TMEM65: variants seen among roughly 807,000 people sequenced by gnomAD.
TMEM65 encodes transmembrane protein 65.
Under a neutral mutation model 25.4 loss-of-function variants are expected in TMEM65, and 22 were observed. The ratio of observed to expected loss-of-function variants is 0.86; its 90% CI spans 0.62 to 1.23. The LOEUF is 1.23. TMEM65 is among the 50% of genes most tolerant of loss of function. The probability of loss-of-function intolerance (pLI) is 0.00; values close to 1 mark genes in which losing one functional copy is unlikely to be tolerated. For synonymous variants in TMEM65, 132 were observed against 126.2 expected, an observed-to-expected ratio of 1.05 and a Z score of -0.31; for missense variants, 262 against 308.2, an observed-to-expected ratio of 0.85 and a Z score of 1.12.
At position 124,327,422 on chromosome 8, in the gene TMEM65, C is replaced by A. The variant is rs1008801263; in HGVS notation, c.350-1G>T. The stretch of plus-strand genomic sequence containing the variant: ...AAAGGTATCGCATTGTGGATGAATA[C>A]TGAAAAACATCAAAAACAGAAAAAT... On this transcript the variant is annotated splice_acceptor_variant, in intron 2 of 6. Transcript: ENST00000297632. LOFTEE classifies it high-confidence loss of function. 2 of 1,581,106 alleles carry A rather than the reference C, an allele frequency of 1.3e-6. No homozygotes were observed. Among genetic ancestry groups the A allele is most frequent in the African/African-American group, 1.4e-5 (1 of 73,200 alleles).
chr8:124,318,420 G>A (rs1447058953), intron 6 of TMEM65, among the ~76,000 whole-genome samples: 2 of 125,434 alleles, frequency 1.6e-5, no homozygotes, highest in African/African-American at 6.2e-5. Context: ...TGTCACCCAG[G>A]CTGGAGTGCA....
chr8:124,345,981 G>A lies in TMEM65; in HGVS notation c.305-15189C>T, dbSNP rs576676376. Among the ~76,000 whole-genome samples the A allele has an allele frequency of 1.9e-3, 287 of 152,304 alleles. 3 individuals carry two copies. The highest frequency in any genetic ancestry group is 6.4e-3 in the African/African-American group (268 of 41,564). ...AGGCTTGTCTGGAACTCCTGACCTC[G>A]TGATCCGTCTGCCTCGGCCTCCCAT... is the stretch of plus-strand genomic sequence containing the variant. On this transcript the variant is annotated intron_variant, in intron 1 of 6. Coordinates refer to ENST00000297632, the MANE Select transcript of TMEM65 (RefSeq NM_194291.3).
At position 124,372,623 on chromosome 8, in the gene TMEM65, G is replaced by C. The variant is rs1395853049; in HGVS notation, c.-466C>G. ...GCCTCCCCACGTCCCCACTCTGTAA[G>C]GTTCCCGAGCCCTCAAAGCAGCCGC... On this transcript the variant is annotated 5_prime_UTR_variant, in exon 1 of 7. Transcript: ENST00000297632. 6.2e-6 allele frequency: 1 copy of C among 160,226 alleles called. No homozygotes were observed. The highest frequency in any genetic ancestry group is 2.4e-5 in the African/African-American group (1 of 41,512). The allele number at this position is 160,226 out of a possible 1,614,324, so 9.9% of individuals were successfully genotyped here.
At chr8:124,347,495 T>C (rs1030126030) in intron 1 of TMEM65, among the ~76,000 whole-genome samples, 1 of 152,186 alleles carries the variant, frequency 6.6e-6, no homozygotes, top group Non-Finnish European at 1.5e-5. Flanking sequence ...ACGTACACTA[T>C]TCAGGTGATG....
chr8:124,339,222 A>AAAAT (rs1563594368), intron 1 of TMEM65, among the ~76,000 whole-genome samples: 2 of 19,908 alleles, frequency 1.0e-4, no homozygotes, highest in African/African-American at 2.6e-4. Context: ...AAAAAAAAAA[A>AAAAT]ATATATATAT....
rs1026618327 is a variant in TMEM65, at chr8:124,312,164, G to C, written c.*1796C>G. 6 of 141,998 alleles carry C rather than the reference G, an allele frequency of 4.2e-5. No homozygotes were observed. Among genetic ancestry groups the C allele is most frequent in the African/African-American group, 1.3e-4 (5 of 37,378 alleles). 8.8% of individuals were successfully genotyped at this position (141,998 alleles called of 1,614,324 possible). A position where few individuals can be genotyped will look rare whatever the true frequency, so the allele number is the denominator to read the frequency against. Reference sequence around the variant, plus strand: ...TTAAGCACTCTAATCCTATCAATCAGAAATTTTACAAAGGATTTTTTGTGT... The same window carrying C: ...TTAAGCACTCTAATCCTATCAATCACAAATTTTACAAAGGATTTTTTGTGT... On this transcript the variant is annotated 3_prime_UTR_variant, in exon 7 of 7. Coordinates refer to ENST00000297632, the MANE Select transcript of TMEM65 (RefSeq NM_194291.3).
At chr8:124,331,852 G>T (rs1470285877) in intron 1 of TMEM65, among the ~76,000 whole-genome samples, 3 of 151,814 alleles carry the variant, frequency 2.0e-5, no homozygotes, top group Non-Finnish European at 4.4e-5. Flanking sequence ...AAGAACTAAG[G>T]AATTTAGTAT....
intron 5 of TMEM65, among the ~76,000 whole-genome samples, chr8:124,320,636 T>C (rs7832446): frequency 2.6e-5 from 4 of 152,178 alleles, no homozygotes; most frequent in African/African-American, 9.6e-5. Context: ...GTTTCCAAAA[T>C]TCCTCAGATT....
At chr8:124,314,137 G>T in intron 6 of TMEM65, 76 bp from the exon 7 acceptor site, 1 of 1,139,366 alleles carries the variant, frequency 8.8e-7, no homozygotes, top group Non-Finnish European at 1.3e-6. Context: ...AATCTCACCA[G>T]CTCTTCTCAA....
chr8:124,330,576 G>A (rs925248291), intron 2 of TMEM65, among the ~76,000 whole-genome samples, 172 bp downstream of exon 2: 3 of 151,852 alleles, frequency 2.0e-5, no homozygotes, highest in South Asian at 2.1e-4. Flanking sequence ...ACAATATTGT[G>A]TTACATCCTT....
At chr8:124,322,719 T>A (rs1003800636) in intron 4 of TMEM65, among the ~76,000 whole-genome samples, 1 of 151,902 alleles carries the variant, frequency 6.6e-6, no homozygotes, top group Non-Finnish European at 1.5e-5. Flanking sequence ...AATAATAGGC[T>A]GGGCGTGGTG....
Position 124,313,798 on chromosome 8 carries a change from T to C in TMEM65, c.*162A>G. On this transcript the variant is annotated 3_prime_UTR_variant, in exon 7 of 7. Transcript: ENST00000297632. ...AAACAGCTTTTTAAAAAAGATGTCCTAAGAAGATCAAGCCACAATAAGTTA... is the reference window on the plus strand; with the variant it reads ...AAACAGCTTTTTAAAAAAGATGTCCCAAGAAGATCAAGCCACAATAAGTTA... 1 of 588,962 alleles carries C rather than the reference T, an allele frequency of 1.7e-6. No homozygotes were observed. The highest frequency in any genetic ancestry group is 3.0e-6 in the Non-Finnish European group (1 of 334,318). The allele number at this position is 588,962 out of a possible 1,614,324, so 36.5% of individuals were successfully genotyped here.
intron 1 of TMEM65, among the ~76,000 whole-genome samples, chr8:124,344,165 C>G (rs992128537): frequency 6.6e-6 from 1 of 152,090 alleles, no homozygotes. Flanking sequence ...GTGGGTAACT[C>G]CATGTATCAA....
chr8:124,362,145 G>C (rs1356511366), intron 1 of TMEM65, among the ~76,000 whole-genome samples: 1 of 151,924 alleles, frequency 6.6e-6, no homozygotes, highest in Non-Finnish European at 1.5e-5. Flanking sequence ...ACCCGCCTCG[G>C]CCTCCCAAAG....
rs1293837220 is a variant in TMEM65 at position 124,372,109 on chromosome 8, T to C, written c.49A>G (p.Arg17Gly). 2 of 1,046,686 alleles carry C rather than the reference T, an allele frequency of 1.9e-6. No individual in the cohort carries two copies. Among genetic ancestry groups the C allele is most frequent in the Non-Finnish European group, 2.3e-6 (2 of 865,676 alleles). The allele number at this position is 1,046,686 out of a possible 1,614,324, so 64.8% of individuals were successfully genotyped here. Residue 17 changes from arginine (R) to glycine (G), a missense_variant, in exon 1 of 7, where the codon AGG becomes GGG. Coordinates refer to ENST00000297632, the MANE Select transcript of TMEM65 (RefSeq NM_194291.3). Reference sequence around the variant, plus strand: ...GCGGCGGCGGCGGCCGGGCCCGGCCTCAGGCTGCGCGCGGTCCGGCTCCTC... The same window carrying C: ...GCGGCGGCGGCGGCCGGGCCCGGCCCCAGGCTGCGCGCGGTCCGGCTCCTC... Reference protein sequence around the residue: ...LLRSRTARSLRPGPAAAAAPR... With the variant: ...LLRSRTARSLGPGPAAAAAPR...
intron 1 of TMEM65, among the ~76,000 whole-genome samples, chr8:124,370,388 G>C (rs1256020357): frequency 1.3e-5 from 2 of 152,140 alleles, no homozygotes; most frequent in Non-Finnish European, 2.9e-5. Context: ...TAATGTTCTA[G>C]TACATGACTG....
At chr8:124,316,513 T>G (rs141542713) in intron 6 of TMEM65, among the ~76,000 whole-genome samples, 120 of 152,250 alleles carry the variant, frequency 7.9e-4, no homozygotes, top group African/African-American at 2.6e-3. Flanking sequence ...AGTAGAAGAT[T>G]TGATTCTAAA....
At chr8:124,359,401 C>T (rs1008521074) in intron 1 of TMEM65, among the ~76,000 whole-genome samples, 2 of 152,160 alleles carry the variant, frequency 1.3e-5, no homozygotes, top group Non-Finnish European at 2.9e-5. Flanking sequence ...TCTCATCCAA[C>T]GATGTCTATT....
chr8:124,360,995 A>G (rs1814851565), intron 1 of TMEM65, among the ~76,000 whole-genome samples: 1 of 152,240 alleles, frequency 6.6e-6, no homozygotes, highest in African/African-American at 2.4e-5. Flanking sequence ...CAGAAAGGTT[A>G]AGTATACTTA....
Sources: gnomAD v4.1 joint callset for allele counts (sites outside exome capture counted in the v4.1 genomes callset) on GRCh38, gnomAD v4.1.1 for gene constraint, MANE v1.5 for transcripts, NCBI Gene and HGNC (gene_info 2026-07-23, HGNC 2026-07-21) for gene names.